The following SPESP1 variants were observed in gnomAD, a reference collection of about 807,000 sequenced individuals.
SPESP1 encodes the protein sperm equatorial segment protein 1, also known as equatorial segment protein.
Under a neutral mutation model 3.1 loss-of-function variants are expected in SPESP1, and 1 was observed. The observed-to-expected ratio is 0.33, with a 90% CI of 0.12 to 1.54. The LOEUF is 1.54. SPESP1 is among the 40% of genes most tolerant of loss of function. SPESP1 has a pLI of 0.38. For missense variants in SPESP1, 398 were observed against 410.1 expected, an observed-to-expected ratio of 0.97 and a Z score of 0.26; for synonymous variants, 138 against 150.7, an observed-to-expected ratio of 0.92 and a Z score of 0.62.
intron 1 of SPESP1, among the ~76,000 whole-genome samples, chr15:68,932,505 C>T (rs536833901): frequency 2.6e-5 from 4 of 152,288 alleles, no homozygotes; most frequent in South Asian, 4.1e-4. Context: ...ATTCTCCCAC[C>T]TCAGCCTCCT....
At chr15:68,941,829 G>GT (rs1157832762) in intron 1 of SPESP1, among the ~76,000 whole-genome samples, 1 of 152,126 alleles carries the variant, frequency 6.6e-6, no homozygotes, top group African/African-American at 2.4e-5. Flanking sequence ...ATTTTGGCAT[G>GT]TTTTTAATAT....
chr15:68,934,707 C>G (rs1312652627), intron 1 of SPESP1, among the ~76,000 whole-genome samples: 1 of 152,020 alleles, frequency 6.6e-6, no homozygotes, highest in Non-Finnish European at 1.5e-5. Context: ...TGAAATTAAA[C>G]TTAAGCAACA....
intron 1 of SPESP1, among the ~76,000 whole-genome samples, 167 bp from the exon 2 acceptor site, chr15:68,945,432 T>G (rs759808517): frequency 6.6e-6 from 1 of 152,224 alleles, no homozygotes; most frequent in Non-Finnish European, 1.5e-5. Flanking sequence ...ATAATTTTGT[T>G]TATTTAAGTG....
intron 1 of SPESP1, among the ~76,000 whole-genome samples, chr15:68,941,882 G>A (rs1895833188): frequency 6.6e-6 from 1 of 152,148 alleles, no homozygotes; most frequent in Admixed American, 6.5e-5. Context: ...GCAGTACAGT[G>A]GAAAGATCAT....
intron 1 of SPESP1, among the ~76,000 whole-genome samples, chr15:68,937,485 A>T (rs1339544528): frequency 2.0e-5 from 3 of 151,570 alleles, no homozygotes; most frequent in African/African-American, 7.3e-5. Context: ...GGAACTTATT[A>T]TTTTTTTTCT....
rs749796229 is a variant in SPESP1 at position 68,945,643 on chromosome 15, A to G, written c.109A>G (p.Ile37Val). 1.9e-6 allele frequency: 3 copies of G among 1,598,492 alleles called. No individual in the cohort carries two copies. The Admixed American group carries it at 5.4e-5, about 29-fold the overall frequency. The change falls in exon 2 of 2, where the codon ATA becomes GTA. Residue 37 changes from isoleucine to valine, a missense_variant. Coordinates refer to ENST00000310673, the MANE Select transcript of SPESP1 (RefSeq NM_145658.4). Reference sequence around the variant, plus strand: ...TGAAGAGCAAAACTTGAATCATTATATACAAGTTTTAGAGAACCTAGTACG... The same window carrying G: ...TGAAGAGCAAAACTTGAATCATTATGTACAAGTTTTAGAGAACCTAGTACG... ...PDEEQNLNHYIQVLENLVRSV... is the reference protein window; with the variant it reads ...PDEEQNLNHYVQVLENLVRSV...
chr15:68,932,544 C>T (rs573454708), intron 1 of SPESP1, among the ~76,000 whole-genome samples: 3 of 152,242 alleles, frequency 2.0e-5, no homozygotes, highest in African/African-American at 7.2e-5. Flanking sequence ...GCGCACGCCA[C>T]TACCGCCTGG....
intron 1 of SPESP1, among the ~76,000 whole-genome samples, chr15:68,938,922 A>G (rs1369755525): frequency 6.6e-6 from 1 of 152,210 alleles, no homozygotes; most frequent in East Asian, 1.9e-4. Context: ...TGATCATTCA[A>G]TCAGTGGAAG....
chr15:68,933,317 G>C (rs898069708), intron 1 of SPESP1, among the ~76,000 whole-genome samples: 26 of 152,022 alleles, frequency 1.7e-4, no homozygotes, highest in African/African-American at 6.0e-4. Context: ...AATGCAGCTT[G>C]GGTATACAGA....
intron 1 of SPESP1, among the ~76,000 whole-genome samples, chr15:68,941,280 G>T (rs538638864): frequency 2.3e-4 from 35 of 152,212 alleles, no homozygotes; most frequent in African/African-American, 7.7e-4. Flanking sequence ...ACATGGTATA[G>T]CTTTCTATTT....
chr15:68,935,189 C>T (rs1895651897), intron 1 of SPESP1, among the ~76,000 whole-genome samples: 1 of 152,194 alleles, frequency 6.6e-6, no homozygotes, highest in Non-Finnish European at 1.5e-5. Context: ...TAACATTACT[C>T]ATAGGATGCA....
chr15:68,946,547 GT>G lies in SPESP1; in HGVS notation c.1014del (p.Cys338Ter), dbSNP rs772948725. ...GTATTCAATACATTAAAAAATATGT[GT>G]AGATCAAGGAGAGTCACAGCCTTAT... ...ATVFNTLKNM[C>X]RSRRVTALLK... On this transcript the variant is annotated frameshift_variant, in exon 2 of 2. Transcript: ENST00000310673. LOFTEE classifies it high-confidence loss of function. 2.6e-6 allele frequency: 4 copies of G among 1,567,416 alleles called. No individual in the cohort carries two copies. Among genetic ancestry groups the G allele is most frequent in the Non-Finnish European group, 3.4e-6 (4 of 1,164,504 alleles).
At position 68,932,433 on chromosome 15, in the gene SPESP1, C is replaced by T. The variant is rs118158843; in HGVS notation, c.64+1716C>T. Among the ~76,000 whole-genome samples, 57 of 149,810 alleles carry T rather than the reference C, an allele frequency of 3.8e-4. 1 individual carries two copies. The East Asian group carries it at 0.01, about 27-fold the overall frequency. On this transcript the variant is annotated intron_variant, in intron 1 of 1. Coordinates refer to ENST00000310673, the MANE Select transcript of SPESP1 (RefSeq NM_145658.4). ...TGAGACAGGGTCTCACTCTCTAGCT[C>T]AGACTAGAGTGCAGTGGCCCGATCT...
At chr15:68,938,843 C>T (rs1297462243) in intron 1 of SPESP1, among the ~76,000 whole-genome samples, 2 of 152,204 alleles carry the variant, frequency 1.3e-5, no homozygotes, top group African/African-American at 4.8e-5. Context: ...CTTTCTAAGT[C>T]TCTTCCTTTT....
chr15:68,936,236 G>C (rs1314800787), intron 1 of SPESP1, among the ~76,000 whole-genome samples: 1 of 152,166 alleles, frequency 6.6e-6, no homozygotes, highest in Non-Finnish European at 1.5e-5. Flanking sequence ...AAAAATCCTA[G>C]TTATATTCAA....
chr15:68,940,982 C>T (rs996018599), intron 1 of SPESP1, among the ~76,000 whole-genome samples: 2 of 151,808 alleles, frequency 1.3e-5, no homozygotes, highest in Non-Finnish European at 2.9e-5. Flanking sequence ...GCAATTGGGT[C>T]TATTTCTATA....
chr15:68,943,047 T>C (rs1289647314), intron 1 of SPESP1, among the ~76,000 whole-genome samples: 1 of 152,012 alleles, frequency 6.6e-6, no homozygotes. Flanking sequence ...AAATGTGACT[T>C]ATAATGGTTT....
At chr15:68,936,863 A>G (rs1252300391) in intron 1 of SPESP1, among the ~76,000 whole-genome samples, 1 of 152,156 alleles carries the variant, frequency 6.6e-6, no homozygotes, top group East Asian at 1.9e-4. Flanking sequence ...TACAAGAAGT[A>G]TGGGGGCTCT....
chr15:68,938,995 C>T (rs975821063), intron 1 of SPESP1, among the ~76,000 whole-genome samples: 1 of 152,186 alleles, frequency 6.6e-6, no homozygotes, highest in African/African-American at 2.4e-5. Context: ...CACTTTTGTT[C>T]CTACAGTTAT....
Sources: allele counts gnomAD v4.1 joint callset (sites outside exome capture counted in the v4.1 genomes callset), GRCh38; gene constraint gnomAD v4.1.1; transcripts MANE v1.5; gene names NCBI Gene and HGNC (gene_info 2026-07-23, HGNC 2026-07-21).